Variants in MED27 observed in about 807,000 individuals in gnomAD.
The protein encoded by MED27 is mediator complex subunit 27.
Under a neutral mutation model 38.2 loss-of-function variants are expected in MED27, and 30 were observed. That is an observed-to-expected ratio of 0.79 (90% CI 0.59 to 1.07). The LOEUF is 1.07. MED27 is among the 50% of genes least tolerant of loss of function. The pLI is 0.00. For missense variants in MED27, 289 were observed against 397.5 expected (o/e 0.73, Z 2.32); for synonymous variants, 122 against 153.5 (o/e 0.79, Z 1.52).
intron 3 of MED27, among the ~76,000 whole-genome samples, chr9:131,942,368 G>C (rs1322671735): frequency 6.6e-6 from 1 of 152,154 alleles, no homozygotes; most frequent in Non-Finnish European, 1.5e-5. Context: ...CATGCCCAAA[G>C]TTTATACCAG....
At chr9:132,000,752 A>AT (rs35552801) in intron 3 of MED27, among the ~76,000 whole-genome samples, 3,866 of 142,868 alleles carry the variant, frequency 0.027, 65 homozygotes, top group Admixed American at 0.056. Flanking sequence ...TTAAAAAAAA[A>AT]TTTTTTTTTT....
At position 131,943,472 on chromosome 9, in the gene MED27, T is replaced by C. The variant is rs573342065; in HGVS notation, c.480-3998A>G. ...CACGGCTAGCGTCTGCAGCGGGCTC[T>C]GCAGTGCGGCGCCCCACTTTGAGAG... On this transcript the variant is annotated intron_variant, in intron 3 of 7. Transcript: ENST00000292035. Among the ~76,000 whole-genome samples the C allele has an allele frequency of 3.0e-4, 46 of 152,288 alleles. No homozygotes were observed. The East Asian group carries it at 6.7e-3, about 22-fold the overall frequency.
At chr9:132,007,348 A>G (rs970936540) in intron 3 of MED27, among the ~76,000 whole-genome samples, 1 of 152,238 alleles carries the variant, frequency 6.6e-6, no homozygotes, top group Non-Finnish European at 1.5e-5. Flanking sequence ...TCCAAAGAAC[A>G]TCGAAAAAAT....
At chr9:131,875,430 G>C (rs552298530) in intron 6 of MED27, among the ~76,000 whole-genome samples, 1 of 152,156 alleles carries the variant, frequency 6.6e-6, no homozygotes. Context: ...TCTGACTCCA[G>C]CCTATACCCT....
chr9:131,981,214 C>T (rs1343565398), intron 3 of MED27, among the ~76,000 whole-genome samples: 2 of 152,332 alleles, frequency 1.3e-5, no homozygotes, highest in African/African-American at 2.4e-5. Context: ...TAAACATTTG[C>T]TCATTCACAG....
At chr9:131,912,260 C>T (rs1268296834) in intron 4 of MED27, among the ~76,000 whole-genome samples, 1 of 152,166 alleles carries the variant, frequency 6.6e-6, no homozygotes, top group Non-Finnish European at 1.5e-5. Context: ...GAATTAAAGG[C>T]TCTGAAAAGG....
At chr9:132,065,640 G>A (rs1457255634) in intron 2 of MED27, among the ~76,000 whole-genome samples, 1 of 152,212 alleles carries the variant, frequency 6.6e-6, no homozygotes, top group Non-Finnish European at 1.5e-5. Context: ...CCGAATCTGA[G>A]AGGCCTGCAG....
intron 4 of MED27, among the ~76,000 whole-genome samples, chr9:131,936,061 C>T (rs1400168154): frequency 2.0e-5 from 3 of 148,636 alleles, no homozygotes; most frequent in African/African-American, 5.0e-5. Context: ...TGAGCCCAGG[C>T]GGCTGAGGCT....
chr9:131,944,668 AT>A (rs1400423621), intron 3 of MED27, among the ~76,000 whole-genome samples: 1 of 151,892 alleles, frequency 6.6e-6, no homozygotes, highest in Non-Finnish European at 1.5e-5. Flanking sequence ...AGTAGCTGGG[AT>A]TACAGGCACC....
chr9:131,938,661 T>C (rs1184648470), intron 4 of MED27, among the ~76,000 whole-genome samples: 2 of 152,166 alleles, frequency 1.3e-5, no homozygotes, highest in African/African-American at 4.8e-5. Flanking sequence ...CTCAGAACAC[T>C]TTCTTCAAAT....
At chr9:132,020,892 T>C (rs1832703205) in intron 2 of MED27, among the ~76,000 whole-genome samples, 1 of 152,168 alleles carries the variant, frequency 6.6e-6, no homozygotes, top group African/African-American at 2.4e-5. Flanking sequence ...CTTTTATGGG[T>C]AAATAATCTT....
At chr9:131,908,118 G>A (rs1477303444) in intron 4 of MED27, among the ~76,000 whole-genome samples, 20 of 137,784 alleles carry the variant, frequency 1.5e-4, no homozygotes, top group Non-Finnish European at 3.3e-5. Context: ...CCCTGTCCGG[G>A]AGGGAGGTGG....
intron 5 of MED27, among the ~76,000 whole-genome samples, chr9:131,888,979 G>A (rs1382426101): frequency 4.6e-5 from 7 of 152,190 alleles, no homozygotes; most frequent in African/African-American, 1.4e-4. Context: ...GAATTAAACT[G>A]GATTCCCCTT....
At chr9:131,935,283 A>G (rs928165361) in intron 4 of MED27, among the ~76,000 whole-genome samples, 3 of 152,234 alleles carry the variant, frequency 2.0e-5, no homozygotes, top group African/African-American at 7.2e-5. Flanking sequence ...TCCATTTACC[A>G]GGATTTGATG....
chr9:132,022,806 G>A (rs1209006950), intron 2 of MED27, among the ~76,000 whole-genome samples: 4 of 152,154 alleles, frequency 2.6e-5, no homozygotes, highest in South Asian at 2.1e-4. Flanking sequence ...TTCACATGGC[G>A]GCAGGAGAAA....
intron 3 of MED27, among the ~76,000 whole-genome samples, chr9:132,007,718 G>A (rs982791748): frequency 6.6e-6 from 1 of 152,080 alleles, no homozygotes; most frequent in African/African-American, 2.4e-5. Flanking sequence ...CAGGAGAAAA[G>A]GGAAATAATT....
chr9:131,937,293 C>T (rs546983339), intron 4 of MED27, among the ~76,000 whole-genome samples: 3 of 152,320 alleles, frequency 2.0e-5, no homozygotes, highest in Admixed American at 2.0e-4. Flanking sequence ...ATCAAATCAC[C>T]TACCACTGGC....
In MED27 at chr9:131,913,416, C is replaced by T. The variant is rs1403157485; in HGVS notation, c.574-19424G>A. On this transcript the variant is annotated intron_variant, in intron 4 of 7. Coordinates refer to ENST00000292035, the MANE Select transcript of MED27 (RefSeq NM_004269.4). The surrounding 1 kb of genome is among the most constrained non-coding windows in gnomAD (Gnocchi z 4.5). Reference sequence around the variant, plus strand: ...AAACAGTGATAACATCTTCGGCTGACGGGTGAGTGTGAACATCAAATAAAT... The same window carrying T: ...AAACAGTGATAACATCTTCGGCTGATGGGTGAGTGTGAACATCAAATAAAT... Among the ~76,000 whole-genome samples the T allele has an allele frequency of 1.3e-5, 2 of 152,128 alleles. No homozygotes were observed. Among genetic ancestry groups the T allele is most frequent in the Admixed American group, 6.5e-5 (1 of 15,272 alleles).
intron 3 of MED27, among the ~76,000 whole-genome samples, chr9:132,006,608 G>A (rs1157598895): frequency 1.3e-5 from 2 of 150,856 alleles, no homozygotes; most frequent in Non-Finnish European, 2.9e-5. Context: ...TTTTGTAATC[G>A]AACTGCAGAA....
Sources: allele counts gnomAD v4.1 joint callset (sites outside exome capture counted in the v4.1 genomes callset), GRCh38; gene constraint gnomAD v4.1.1; non-coding constraint Gnocchi (gnomAD v3.1); transcripts MANE v1.5; gene names NCBI Gene and HGNC (gene_info 2026-07-23, HGNC 2026-07-21).